Variants in AGPAT5 observed in about 807,000 individuals in gnomAD.
AGPAT5 encodes 1-acylglycerol-3-phosphate O-acyltransferase 5, also known as 1-acyl-sn-glycerol-3-phosphate acyltransferase epsilon.
In AGPAT5, 46 loss-of-function variants were observed where a neutral mutation model predicts 45.6. That is an observed-to-expected ratio of 1.01 (90% CI 0.80 to 1.29). The LOEUF (loss-of-function observed/expected upper bound fraction) is 1.29, where lower values mean the gene tolerates loss of function less well. Ranked by LOEUF, AGPAT5 falls within the 50% of genes most tolerant of loss-of-function variation. The pLI is 0.00. For missense variants in AGPAT5, 673 were observed against 450.7 expected (o/e 1.49, Z -4.47); for synonymous variants, 272 against 167.0 (o/e 1.63, Z -4.85).
intron 7 of AGPAT5, among the ~76,000 whole-genome samples, chr8:6,755,782 T>C (rs1801813999): frequency 6.6e-6 from 1 of 152,238 alleles, no homozygotes; most frequent in Non-Finnish European, 1.5e-5. Flanking sequence ...TGTTTTTAAT[T>C]AACCCTCCTG....
chr8:6,758,215 T>C lies in AGPAT5; in HGVS notation c.*827T>C, dbSNP rs1172963925. On this transcript the variant is annotated 3_prime_UTR_variant, in exon 8 of 8. Coordinates refer to ENST00000285518, the MANE Select transcript of AGPAT5 (RefSeq NM_018361.5). ...AGGTTTTCTGTTTTGTTTTGTTTTT[T>C]TAATATCAAAAGAGTCGGTGTGAAC... 1 of 152,652 alleles carries C rather than the reference T, an allele frequency of 6.6e-6. No individual in the cohort carries two copies. The highest frequency in any genetic ancestry group is 1.5e-5 in the Non-Finnish European group (1 of 68,046). 9.5% of individuals were successfully genotyped at this position (152,652 alleles called of 1,614,324 possible).
At chr8:6,753,736 T>TTATTC (rs1333712006) in intron 6 of AGPAT5, among the ~76,000 whole-genome samples, 1 of 152,204 alleles carries the variant, frequency 6.6e-6, no homozygotes, top group East Asian at 1.9e-4. Context: ...ATTCAGATGA[T>TTATTC]AGTACTGTAG....
chr8:6,732,413 G>A (rs557798028), intron 3 of AGPAT5, 148 bp from the exon 4 acceptor site: 2 of 497,932 alleles, frequency 4.0e-6, no homozygotes, highest in Non-Finnish European at 6.8e-6. Context: ...TTCTTTAGAA[G>A]CTAATGTTTG....
At position 6,761,366 on chromosome 8, in the gene AGPAT5, G is replaced by T. The variant is rs556525778; in HGVS notation, c.*3978G>T. Among the ~76,000 whole-genome samples the T allele has an allele frequency of 6.6e-6, 1 of 152,076 alleles. No individual in the cohort carries two copies. The highest frequency in any genetic ancestry group is 2.4e-5 in the African/African-American group (1 of 41,410). ...TTAAAAAAGGTGCTATTGAAATTCT[G>T]TGTCTCCAGCAGGCAAGAATACTTG... is the stretch of plus-strand genomic sequence containing the variant. On this transcript the variant is annotated 3_prime_UTR_variant, in exon 8 of 8. Transcript: ENST00000285518.
At chr8:6,718,964 A>G (rs748917030) in intron 1 of AGPAT5, among the ~76,000 whole-genome samples, 1 of 152,248 alleles carries the variant, frequency 6.6e-6, no homozygotes, top group Non-Finnish European at 1.5e-5. Context: ...AGTAACAATA[A>G]AATTATGATT....
At chr8:6,736,807 C>T (rs979371132) in intron 4 of AGPAT5, among the ~76,000 whole-genome samples, 1 of 152,236 alleles carries the variant, frequency 6.6e-6, no homozygotes, top group African/African-American at 2.4e-5. Flanking sequence ...TTTACTTTCA[C>T]CCTGAGAGTA....
At chr8:6,732,512 A>T (rs1800896574) in intron 3 of AGPAT5, 49 bp from the exon 4 acceptor site, 2 of 1,507,064 alleles carry the variant, frequency 1.3e-6, no homozygotes, top group African/African-American at 2.8e-5. Context: ...ACTCTGGCCA[A>T]TTGTTATTTT....
Position 6,708,902 on chromosome 8 carries a change from G to T in AGPAT5, c.219+15G>T, listed in dbSNP as rs1371006263. 2 of 1,591,654 alleles carry T rather than the reference G, an allele frequency of 1.3e-6. No homozygotes were observed. Among genetic ancestry groups the T allele is most frequent in the Non-Finnish European group, 1.7e-6 (2 of 1,170,764 alleles). Reference sequence around the variant, plus strand: ...CCGGGGTCCAGGTGAGCCGCCTCCCGCTCCCGGGTCTCGGCGTCCACCCGA... The same window carrying T: ...CCGGGGTCCAGGTGAGCCGCCTCCCTCTCCCGGGTCTCGGCGTCCACCCGA... On this transcript the variant is annotated intron_variant, in intron 1 of 7. Transcript: ENST00000285518.
Position 6,708,839 on chromosome 8 carries a change from C to A in AGPAT5, c.171C>A (p.Val57=), listed in dbSNP as rs138274785. The A allele has an allele frequency of 1.1e-5, 18 of 1,611,560 alleles. No homozygotes were observed. The highest frequency in any genetic ancestry group is 1.7e-5 in the Admixed American group (1 of 59,976). The change falls in exon 1 of 8, where the codon GTC becomes GTA. Residue 57 remains valine, a synonymous_variant. Coordinates refer to ENST00000285518, the MANE Select transcript of AGPAT5 (RefSeq NM_018361.5). ...YQALDDRLYC[V]YQSMVLFFFE... is the part of the protein sequence containing the mutation. ...CGCTGGACGACCGGCTCTACTGCGT[C>A]TACCAGAGCATGGTGCTCTTCTTCT...
At chr8:6,722,220 C>T (rs1238218246) in intron 1 of AGPAT5, among the ~76,000 whole-genome samples, 1 of 152,118 alleles carries the variant, frequency 6.6e-6, no homozygotes, top group Admixed American at 6.5e-5. Context: ...CACCTTTCCA[C>T]AGGGAAATTT....
chr8:6,718,073 A>G (rs760317040), intron 1 of AGPAT5, among the ~76,000 whole-genome samples: 36 of 152,220 alleles, frequency 2.4e-4, no homozygotes, highest in Admixed American at 4.6e-4. Context: ...TGAAGACAAA[A>G]TGAGATAATA....
In AGPAT5 at chr8:6,759,650, C is replaced by T. The variant is rs1444472608; in HGVS notation, c.*2262C>T. 1 of 151,882 alleles carries T rather than the reference C, an allele frequency of 6.6e-6. No individual in the cohort carries two copies. The highest frequency in any genetic ancestry group is 2.4e-5 in the African/African-American group (1 of 41,356). The allele number at this position is 151,882 out of a possible 1,614,324, so 9.4% of individuals were successfully genotyped here. On this transcript the variant is annotated 3_prime_UTR_variant, in exon 8 of 8. Coordinates refer to ENST00000285518, the MANE Select transcript of AGPAT5 (RefSeq NM_018361.5). ...ATGAAAGTAAAAAAAAAAATAAAAT[C>T]TTTCACTGTCTCTAATGGCTGTGCT... is the stretch of plus-strand genomic sequence containing the variant.
At chr8:6,716,885 G>C (rs1221981165) in intron 1 of AGPAT5, among the ~76,000 whole-genome samples, 1 of 152,138 alleles carries the variant, frequency 6.6e-6, no homozygotes, top group Non-Finnish European at 1.5e-5. Flanking sequence ...GAGTACTCTA[G>C]GGAATTCTAG....
chr8:6,757,574 A>G lies in AGPAT5; in HGVS notation c.*186A>G. On this transcript the variant is annotated 3_prime_UTR_variant, in exon 8 of 8. Coordinates refer to ENST00000285518, the MANE Select transcript of AGPAT5 (RefSeq NM_018361.5). ...GTCTTGGGCAAACATACCTGGTTGT[A>G]CAACTTTAGCATCGGGGCTGCTGGA... The G allele has an allele frequency of 1.7e-6, 1 of 573,918 alleles. No individual in the cohort carries two copies. Among genetic ancestry groups the G allele is most frequent in the Non-Finnish European group, 3.1e-6 (1 of 326,168 alleles). 35.6% of individuals were successfully genotyped at this position (573,918 alleles called of 1,614,324 possible).
At chr8:6,731,252 G>A (rs9644415) in intron 3 of AGPAT5, among the ~76,000 whole-genome samples, 1 of 152,264 alleles carries the variant, frequency 6.6e-6, no homozygotes, top group East Asian at 1.9e-4. Context: ...CTCAGTTGAA[G>A]TAATTTTGTT....
At chr8:6,726,460 G>A (rs1377347825) in intron 2 of AGPAT5, among the ~76,000 whole-genome samples, 1 of 152,106 alleles carries the variant, frequency 6.6e-6, no homozygotes, top group Non-Finnish European at 1.5e-5. Flanking sequence ...AACTCCACTC[G>A]ATTAATAGAG....
intron 3 of AGPAT5, among the ~76,000 whole-genome samples, 178 bp downstream of exon 3, chr8:6,731,004 G>C (rs865969667): frequency 2.0e-5 from 3 of 151,756 alleles, no homozygotes; most frequent in East Asian, 1.9e-4. Context: ...AAGTAGTTGG[G>C]ACCGTAGGTG....
rs376998278 is a variant in AGPAT5 at position 6,708,903 on chromosome 8, C to A, written c.219+16C>A. 1.8e-5 allele frequency: 29 copies of A among 1,590,906 alleles called. No homozygotes were observed. Among genetic ancestry groups the A allele is most frequent in the Non-Finnish European group, 2.3e-5 (27 of 1,170,630 alleles). On this transcript the variant is annotated intron_variant, in intron 1 of 7. Coordinates refer to ENST00000285518, the MANE Select transcript of AGPAT5 (RefSeq NM_018361.5). The stretch of plus-strand genomic sequence containing the variant: ...CGGGGTCCAGGTGAGCCGCCTCCCG[C>A]TCCCGGGTCTCGGCGTCCACCCGAG...
chr8:6,735,025 G>T (rs781759406), intron 4 of AGPAT5, among the ~76,000 whole-genome samples: 1 of 152,066 alleles, frequency 6.6e-6, no homozygotes, highest in African/African-American at 2.4e-5. Flanking sequence ...CTAGTTTGGT[G>T]GTAGAAGGAG....
Sources: gnomAD v4.1 joint callset for allele counts (sites outside exome capture counted in the v4.1 genomes callset) on GRCh38, gnomAD v4.1.1 for gene constraint, MANE v1.5 for transcripts, NCBI Gene and HGNC (gene_info 2026-07-23, HGNC 2026-07-21) for gene names.